XXYLT1: variants seen among roughly 807,000 people sequenced by gnomAD.
XXYLT1 encodes the protein xyloside xylosyltransferase 1.
Under a neutral mutation model 28.9 loss-of-function variants are expected in XXYLT1, and 20 were observed. The ratio of observed to expected loss-of-function variants is 0.69; its 90% CI spans 0.49 to 1.00. XXYLT1 has a LOEUF of 1.00. Ranked by LOEUF, XXYLT1 falls within the 50% of genes least tolerant of loss-of-function variation. The pLI, the probability that XXYLT1 is intolerant of heterozygous loss-of-function variation, is 0.00. For synonymous variants in XXYLT1, 257 were observed against 253.8 expected, an observed-to-expected ratio of 1.01 and a Z score of -0.12; for missense variants, 542 against 560.1, an observed-to-expected ratio of 0.97 and a Z score of 0.33.
chr3:195,213,059 C>A (rs1723397926), intron 2 of XXYLT1, among the ~76,000 whole-genome samples: 1 of 152,200 alleles, frequency 6.6e-6, no homozygotes, highest in South Asian at 2.1e-4. Context: ...AAAGCTATTT[C>A]AAATCTGGAA....
chr3:195,235,032 G>T (rs1421942038), intron 1 of XXYLT1, among the ~76,000 whole-genome samples: 2 of 151,568 alleles, frequency 1.3e-5, no homozygotes, highest in Non-Finnish European at 2.9e-5. Context: ...GATCTCGTAG[G>T]CAAGCTTCAT....
At chr3:195,164,931 G>A (rs772486846) in intron 2 of XXYLT1, among the ~76,000 whole-genome samples, 1 of 152,114 alleles carries the variant, frequency 6.6e-6, no homozygotes, top group African/African-American at 2.4e-5. Flanking sequence ...CGGGTTTCTT[G>A]GTGGTGAAAT....
At chr3:195,088,213 G>A (rs1039502598) in intron 3 of XXYLT1, among the ~76,000 whole-genome samples, 1 of 151,596 alleles carries the variant, frequency 6.6e-6, no homozygotes, top group Non-Finnish European at 1.5e-5. Context: ...TGCCTCTGTA[G>A]GCTCCACCTC....
At chr3:195,234,866 T>C (rs1279219702) in intron 1 of XXYLT1, among the ~76,000 whole-genome samples, 1 of 152,146 alleles carries the variant, frequency 6.6e-6, no homozygotes, top group Non-Finnish European at 1.5e-5. Flanking sequence ...CTTGGTGTTC[T>C]ATAACCTTCC....
chr3:195,106,648 A>G (rs1373343875), intron 3 of XXYLT1, among the ~76,000 whole-genome samples: 2 of 152,210 alleles, frequency 1.3e-5, no homozygotes, highest in African/African-American at 4.8e-5. Flanking sequence ...AGGGCCGCAG[A>G]GCGGGAGGGG....
intron 1 of XXYLT1, among the ~76,000 whole-genome samples, chr3:195,260,719 CT>C (rs1725670008): frequency 6.6e-6 from 1 of 152,232 alleles, no homozygotes. Flanking sequence ...TGCCTGGCTG[CT>C]TCTAAAGGCA....
At chr3:195,234,415 T>G (rs1238901251) in intron 1 of XXYLT1, among the ~76,000 whole-genome samples, 1 of 147,110 alleles carries the variant, frequency 6.8e-6, no homozygotes, top group Non-Finnish European at 1.5e-5. Flanking sequence ...GCCTCCCAGA[T>G]TAAAGCGATT....
At chr3:195,223,481 T>C (rs1723917863) in intron 2 of XXYLT1, among the ~76,000 whole-genome samples, 1 of 152,108 alleles carries the variant, frequency 6.6e-6, no homozygotes, top group African/African-American at 2.4e-5. Flanking sequence ...AAACGAATGC[T>C]ATGAAAGAAA....
At position 195,081,779 on chromosome 3, in the gene XXYLT1, A is replaced by G. The variant is rs566485789; in HGVS notation, c.786-11668T>C. 3.0e-3 allele frequency among the ~76,000 whole-genome samples: 455 copies of G among 152,358 alleles called. 2 individuals are homozygous for G. The highest frequency in any genetic ancestry group is 0.011 in the African/African-American group (441 of 41,596). On this transcript the variant is annotated intron_variant, in intron 3 of 3. Coordinates refer to ENST00000310380, the MANE Select transcript of XXYLT1 (RefSeq NM_152531.5). ...CAGCGAGCAGCAGTGCAGATTCTCA[A>G]TGCCAAACACACCAGCCTCCCCTGT...
Position 195,173,928 on chromosome 3 carries a change from A to G in XXYLT1, c.653-17347T>C, listed in dbSNP as rs574138824. ...GAGACTAAGGGCTGTGTCAGTAGGC[A>G]CTGGTGAGAACAGCCGCTGGCTCCC... On this transcript the variant is annotated intron_variant, in intron 2 of 3. Coordinates refer to ENST00000310380, the MANE Select transcript of XXYLT1 (RefSeq NM_152531.5). This position sits in a 1 kb window ranked among gnomAD's most constrained non-coding sequence, Gnocchi z 4.3. 4.0e-4 allele frequency among the ~76,000 whole-genome samples: 61 copies of G among 152,338 alleles called. No homozygotes were observed. The highest frequency in any genetic ancestry group is 1.5e-3 in the African/African-American group (61 of 41,574).
chr3:195,220,464 G>A lies in XXYLT1; in HGVS notation c.652+6245C>T, dbSNP rs146691104. On this transcript the variant is annotated intron_variant, in intron 2 of 3. Coordinates refer to ENST00000310380, the MANE Select transcript of XXYLT1 (RefSeq NM_152531.5). The stretch of plus-strand genomic sequence containing the variant: ...CGGCCGGGCCCATGCTCTTAACCAC[G>A]ACACCATAGGGCCTCTTTTAAATAA... Among the ~76,000 whole-genome samples, 30 of 152,202 alleles carry A rather than the reference G, an allele frequency of 2.0e-4. No individual in the cohort carries two copies. The East Asian group carries it at 4.1e-3, about 21-fold the overall frequency.
At chr3:195,172,988 C>A (rs181718016) in intron 2 of XXYLT1, among the ~76,000 whole-genome samples, 2 of 152,164 alleles carry the variant, frequency 1.3e-5, no homozygotes, top group African/African-American at 4.8e-5. Flanking sequence ...CACACCTGAT[C>A]GGGTGAGGGG....
intron 3 of XXYLT1, chr3:195,094,024 G>GCTC (rs930238013): frequency 3.9e-5 from 6 of 155,342 alleles, no homozygotes; most frequent in South Asian, 2.0e-4. Flanking sequence ...GACAGTGGCA[G>GCTC]CTCCTCCTCC....
chr3:195,245,995 T>A (rs191235803), intron 1 of XXYLT1, among the ~76,000 whole-genome samples: 4 of 152,150 alleles, frequency 2.6e-5, no homozygotes, highest in Admixed American at 2.0e-4. Flanking sequence ...AATTACACAA[T>A]CTCGGATATC....
intron 1 of XXYLT1, chr3:195,247,920 C>G: frequency 3.1e-6 from 2 of 635,270 alleles, no homozygotes; most frequent in Admixed American, 2.2e-5. Context: ...CTGACTCTCA[C>G]GAGAAGAGCA....
intron 3 of XXYLT1, among the ~76,000 whole-genome samples, chr3:195,082,286 A>C (rs1205298990): frequency 2.6e-5 from 4 of 152,108 alleles, no homozygotes; most frequent in Admixed American, 6.5e-5. Context: ...ATGCAGATTC[A>C]GTTTTCAGGA....
chr3:195,261,289 C>G (rs1358780603), intron 1 of XXYLT1, among the ~76,000 whole-genome samples: 1 of 152,154 alleles, frequency 6.6e-6, no homozygotes, highest in African/African-American at 2.4e-5. Context: ...AAGAATTAGC[C>G]GGGCACGGTG....
At chr3:195,167,845 C>T (rs545521234) in intron 2 of XXYLT1, among the ~76,000 whole-genome samples, 1 of 152,260 alleles carries the variant, frequency 6.6e-6, no homozygotes, top group South Asian at 2.1e-4. Flanking sequence ...GCAGAAGTGT[C>T]AGAGCTGCTG....
chr3:195,221,499 G>A (rs901651926), intron 2 of XXYLT1, among the ~76,000 whole-genome samples: 1 of 152,224 alleles, frequency 6.6e-6, no homozygotes, highest in Admixed American at 6.5e-5. Flanking sequence ...GCCTTCCAGG[G>A]GTGCATGGGG....
Sources: allele counts gnomAD v4.1 joint callset (sites outside exome capture counted in the v4.1 genomes callset), GRCh38; gene constraint gnomAD v4.1.1; non-coding constraint Gnocchi (gnomAD v3.1); transcripts MANE v1.5; gene names NCBI Gene and HGNC (gene_info 2026-07-23, HGNC 2026-07-21).